Variants in TTLL11 observed in about 807,000 individuals in gnomAD.
TTLL11 encodes the protein tubulin tyrosine ligase like 11, also known as tubulin polyglutamylase TTLL11.
In TTLL11, 42 loss-of-function variants were observed where a neutral mutation model predicts 51.7. That is an observed-to-expected ratio of 0.81 (90% CI 0.64 to 1.05). The LOEUF is 1.05. Among genes scored for constraint, TTLL11 ranks in the 50% least tolerant of loss-of-function variants. The pLI is 0.00. For synonymous variants in TTLL11, 381 were observed against 383.5 expected, an observed-to-expected ratio of 0.99 and a Z score of 0.08; for missense variants, 799 against 940.4, an observed-to-expected ratio of 0.85 and a Z score of 1.97.
intron 6 of TTLL11, among the ~76,000 whole-genome samples, chr9:121,938,795 T>A (rs1367077753): frequency 6.6e-6 from 1 of 152,210 alleles, no homozygotes; most frequent in Non-Finnish European, 1.5e-5. Flanking sequence ...ATAAGTTTCA[T>A]AACCAGGTGT....
At chr9:121,862,927 C>T (rs1049763757) in intron 7 of TTLL11, among the ~76,000 whole-genome samples, 7 of 152,130 alleles carry the variant, frequency 4.6e-5, no homozygotes, top group African/African-American at 1.7e-4. Flanking sequence ...ATCAGAGGCC[C>T]CTCTCCAAAC....
At chr9:121,865,133 A>G (rs1055903548) in intron 7 of TTLL11, among the ~76,000 whole-genome samples, 1 of 152,232 alleles carries the variant, frequency 6.6e-6, no homozygotes, top group Non-Finnish European at 1.5e-5. Context: ...AGGGATTGTC[A>G]CAGAAGCAGG....
chr9:121,837,348 C>A (rs368018803), intron 8 of TTLL11, among the ~76,000 whole-genome samples: 1 of 151,982 alleles, frequency 6.6e-6, no homozygotes, highest in African/African-American at 2.4e-5. Context: ...ATAGCTCTTG[C>A]CAAATTAACT....
At chr9:122,082,242 G>A (rs752108934) in intron 1 of TTLL11, among the ~76,000 whole-genome samples, 2 of 152,088 alleles carry the variant, frequency 1.3e-5, no homozygotes, top group East Asian at 1.9e-4. Context: ...AGTGGCTCAC[G>A]CCTGTAATCC....
At chr9:121,962,177 T>C (rs1051546158) in intron 6 of TTLL11, among the ~76,000 whole-genome samples, 3 of 152,260 alleles carry the variant, frequency 2.0e-5, no homozygotes, top group Admixed American at 2.0e-4. Context: ...AGGTTAGCTC[T>C]GGGTGGCTGA....
intron 6 of TTLL11, among the ~76,000 whole-genome samples, chr9:121,927,284 C>T (rs1022936311): frequency 3.3e-5 from 5 of 152,042 alleles, no homozygotes; most frequent in South Asian, 2.1e-4. Context: ...TGACACATAG[C>T]GCATGCGCTG....
At chr9:121,845,907 G>A (rs928802833) in intron 8 of TTLL11, among the ~76,000 whole-genome samples, 9 of 152,130 alleles carry the variant, frequency 5.9e-5, no homozygotes, top group African/African-American at 2.2e-4. Context: ...ACATTGATAG[G>A]TATCAATCCA....
chr9:121,970,575 G>A (rs150515484), intron 6 of TTLL11, among the ~76,000 whole-genome samples: 12 of 152,224 alleles, frequency 7.9e-5, no homozygotes, highest in East Asian at 3.9e-4. Context: ...AGACATTTAC[G>A]CATCCAACAA....
In TTLL11 at chr9:121,818,747, C is replaced by T. The variant is rs1380841105; in HGVS notation, c.*3840G>A. The T allele has an allele frequency of 1.3e-5, 2 of 152,374 alleles. No individual in the cohort carries two copies. Among genetic ancestry groups the T allele is most frequent in the African/African-American group, 4.8e-5 (2 of 41,438 alleles). 9.4% of individuals were successfully genotyped at this position (152,374 alleles called of 1,614,324 possible). A position where few individuals can be genotyped will look rare whatever the true frequency, so the allele number is the denominator to read the frequency against. On this transcript the variant is annotated 3_prime_UTR_variant, in exon 9 of 9. Transcript: ENST00000321582. ...ACAAGGGTGGTGGGAAATAGCACAT[C>T]CTCCTCCTGTCTCATGACAACAGAT...
At chr9:121,932,496 A>G (rs574760593) in intron 6 of TTLL11, among the ~76,000 whole-genome samples, 1 of 152,266 alleles carries the variant, frequency 6.6e-6, no homozygotes, top group South Asian at 2.1e-4. Flanking sequence ...CACTTCATAA[A>G]TGGGAAAACT....
At chr9:121,833,983 T>C (rs1376378931) in intron 8 of TTLL11, among the ~76,000 whole-genome samples, 3 of 152,212 alleles carry the variant, frequency 2.0e-5, no homozygotes, top group African/African-American at 7.2e-5. Flanking sequence ...CTAGAAGAGA[T>C]GTTTCTGTCT....
intron 3 of TTLL11, among the ~76,000 whole-genome samples, chr9:122,015,523 G>T (rs933679671): frequency 6.6e-6 from 1 of 152,006 alleles, no homozygotes; most frequent in Non-Finnish European, 1.5e-5. Flanking sequence ...CCACTGCATC[G>T]GCCTCCAGGG....
chr9:121,872,190 G>C (rs923408557), intron 6 of TTLL11, among the ~76,000 whole-genome samples: 2 of 152,236 alleles, frequency 1.3e-5, no homozygotes, highest in Non-Finnish European at 2.9e-5. Flanking sequence ...GGCCATCTGG[G>C]TGTCTTTGTG....
At chr9:122,091,900 A>G (rs891005323) in intron 1 of TTLL11, among the ~76,000 whole-genome samples, 1 of 152,202 alleles carries the variant, frequency 6.6e-6, no homozygotes, top group Non-Finnish European at 1.5e-5. Context: ...TAACTCATGT[A>G]TTCATTCACC....
intron 7 of TTLL11, among the ~76,000 whole-genome samples, chr9:121,863,806 T>C (rs2131385925): frequency 6.6e-6 from 1 of 152,340 alleles, no homozygotes; most frequent in African/African-American, 2.4e-5. Flanking sequence ...AAGCGTATGC[T>C]GAGGCTCAAG....
chr9:121,898,646 C>T (rs941581363), intron 6 of TTLL11, among the ~76,000 whole-genome samples: 3 of 152,214 alleles, frequency 2.0e-5, no homozygotes, highest in Admixed American at 6.5e-5. Context: ...GGGCCAGGCA[C>T]GGTGGGCTCC....
rs973920059 is a variant in TTLL11, at chr9:121,822,580, G to C, written c.*7C>G. The C allele has an allele frequency of 1.4e-6, 2 of 1,437,888 alleles. No individual in the cohort carries two copies. Among genetic ancestry groups the C allele is most frequent in the Non-Finnish European group, 1.8e-6 (2 of 1,092,824 alleles). The allele number at this position is 1,437,888 out of a possible 1,614,324, so 89.1% of individuals were successfully genotyped here. On this transcript the variant is annotated 3_prime_UTR_variant, in exon 9 of 9. Transcript: ENST00000321582. This position sits in a 1 kb window ranked among gnomAD's most constrained non-coding sequence, Gnocchi z 5.8. ...GTCTTCCGTTTTCCAGGAGGACAGA[G>C]TGGCCCTCAGGACAGGGTATGTCTG... is the stretch of plus-strand genomic sequence containing the variant.
chr9:121,880,638 T>C (rs1000434699), intron 6 of TTLL11, among the ~76,000 whole-genome samples: 1 of 152,228 alleles, frequency 6.6e-6, no homozygotes, highest in African/African-American at 2.4e-5. Flanking sequence ...GCCTATTTCT[T>C]TTCTAGACGG....
intron 6 of TTLL11, among the ~76,000 whole-genome samples, chr9:121,888,626 G>C (rs527974639): frequency 6.6e-6 from 1 of 152,216 alleles, no homozygotes; most frequent in South Asian, 2.1e-4. Flanking sequence ...GAATAAATTA[G>C]ACACAGACAC....
Sources: gnomAD v4.1 joint callset for allele counts (sites outside exome capture counted in the v4.1 genomes callset) on GRCh38, gnomAD v4.1.1 for gene constraint, Gnocchi (gnomAD v3.1) non-coding constraint, MANE v1.5 for transcripts, NCBI Gene and HGNC (gene_info 2026-07-23, HGNC 2026-07-21) for gene names.